Variants in CTNND2 observed in about 807,000 individuals in gnomAD.
The protein encoded by CTNND2 is catenin delta-2.
Under a neutral mutation model 144.4 loss-of-function variants are expected in CTNND2, and 22 were observed. The observed-to-expected ratio is 0.15, with a 90% CI of 0.11 to 0.22. CTNND2 has a LOEUF of 0.22. Among genes scored for constraint, CTNND2 ranks in the 10% least tolerant of loss-of-function variants. CTNND2 has a pLI of 1.00. For missense variants in CTNND2, 1,353 were observed against 1,618.8 expected, an observed-to-expected ratio of 0.84 and a Z score of 2.82; for synonymous variants, 751 against 695.6, an observed-to-expected ratio of 1.08 and a Z score of -1.25.
At chr5:10,978,803 G>A (rs1167781317) in intron 21 of CTNND2, among the ~76,000 whole-genome samples, 1 of 152,254 alleles carries the variant, frequency 6.6e-6, no homozygotes, top group Non-Finnish European at 1.5e-5. Flanking sequence ...GAAAGGCTAT[G>A]GCTAGGTGGT....
intron 3 of CTNND2, among the ~76,000 whole-genome samples, chr5:11,503,333 AAACT>A (rs1189430812): frequency 1.3e-5 from 2 of 152,210 alleles, no homozygotes; most frequent in Non-Finnish European, 2.9e-5. Flanking sequence ...GGACAAAAAC[AAACT>A]ATGACTCTAA....
At chr5:11,633,852 C>A (rs1225926816) in intron 2 of CTNND2, among the ~76,000 whole-genome samples, 1 of 151,946 alleles carries the variant, frequency 6.6e-6, no homozygotes. Flanking sequence ...AGAAATAAAC[C>A]TGGACATCTT....
intron 1 of CTNND2, among the ~76,000 whole-genome samples, chr5:11,778,753 T>C (rs1411816571): frequency 1.3e-5 from 2 of 152,190 alleles, no homozygotes; most frequent in Admixed American, 1.3e-4. Context: ...TGAGGAAATA[T>C]GAATGAACTA....
intron 3 of CTNND2, among the ~76,000 whole-genome samples, chr5:11,436,966 G>A (rs1763831340): frequency 6.6e-6 from 1 of 152,094 alleles, no homozygotes. Flanking sequence ...CTAAATCTAA[G>A]TATGCTAAAG....
intron 1 of CTNND2, among the ~76,000 whole-genome samples, chr5:11,850,553 GA>G (rs1366197887): frequency 2.0e-5 from 3 of 151,906 alleles, no homozygotes; most frequent in Non-Finnish European, 4.4e-5. Flanking sequence ...CGGGGAATGA[GA>G]AAAAAGGCAA....
chr5:11,876,993 T>A (rs192703191), intron 1 of CTNND2, among the ~76,000 whole-genome samples: 28 of 152,256 alleles, frequency 1.8e-4, no homozygotes, highest in African/African-American at 6.7e-4. Context: ...CTTTTCTTCT[T>A]GTTCCTGCCC....
At chr5:11,080,969 C>T (rs534919657) in intron 16 of CTNND2, among the ~76,000 whole-genome samples, 2 of 152,052 alleles carry the variant, frequency 1.3e-5, no homozygotes, top group South Asian at 2.1e-4. Context: ...CCCAGCTACT[C>T]GAGAGGCTGA....
At chr5:11,592,162 G>GCCTT (rs1561599814) in intron 2 of CTNND2, among the ~76,000 whole-genome samples, 69 of 117,500 alleles carry the variant, frequency 5.9e-4, no homozygotes, top group South Asian at 9.9e-4. Flanking sequence ...CTTCCTGCCT[G>GCCTT]CCTGCCTTCC....
chr5:11,253,173 C>A (rs1251465411), intron 9 of CTNND2, among the ~76,000 whole-genome samples: 16 of 152,176 alleles, frequency 1.1e-4, no homozygotes, highest in Admixed American at 1.0e-3. Flanking sequence ...CTCTCCTTTT[C>A]TTTTCTTTCA....
intron 1 of CTNND2, among the ~76,000 whole-genome samples, chr5:11,832,238 G>A (rs543637309): frequency 3.3e-5 from 5 of 152,074 alleles, no homozygotes; most frequent in East Asian, 1.9e-4. Flanking sequence ...AGCTGAGATC[G>A]TGCCACTGCA....
intron 3 of CTNND2, among the ~76,000 whole-genome samples, chr5:11,554,503 A>AT (rs1173633218): frequency 6.0e-5 from 8 of 132,992 alleles, no homozygotes; most frequent in Admixed American, 4.9e-4. Flanking sequence ...ATAGAAAGTG[A>AT]TTTTTTTTCT....
rs1751449245 is a variant in CTNND2 at position 11,316,132 on chromosome 5, A to G, written c.1628+30240T>C. Among the ~76,000 whole-genome samples, 2 of 152,232 alleles carry G rather than the reference A, an allele frequency of 1.3e-5. 1 individual carries two copies. Among genetic ancestry groups the G allele is most frequent in the South Asian group, 4.1e-4 (2 of 4,834 alleles). ...AAAACAAAAACAAAAAATCTAAACTATCACTGGAGCTTATAATTAGGGTAA... is the reference window on the plus strand; with the variant it reads ...AAAACAAAAACAAAAAATCTAAACTGTCACTGGAGCTTATAATTAGGGTAA... On this transcript the variant is annotated intron_variant, in intron 9 of 21. Transcript: ENST00000304623.
chr5:11,346,539 C>A lies in CTNND2; in HGVS notation c.1461G>T (p.Gln487His). Residue 487 changes from glutamine to histidine, a missense_variant, in exon 9 of 22, where the codon CAG (glutamine) becomes CAT (histidine). Transcript: ENST00000304623. ...GPQNAAAATF[Q>H]RASYAAGPAS... is the part of the protein sequence containing the mutation. Reference sequence around the variant, plus strand: ...CTGGGCCGGCGGCATAGCTGGCCCTCTGGAAGGTGGCCGCGGCGGCATTCT... The same window carrying A: ...CTGGGCCGGCGGCATAGCTGGCCCTATGGAAGGTGGCCGCGGCGGCATTCT... 6.2e-7 allele frequency: 1 copy of A among 1,604,382 alleles called. No homozygotes were observed. Among genetic ancestry groups the A allele is most frequent in the Non-Finnish European group, 8.5e-7 (1 of 1,175,714 alleles).
chr5:11,097,377 A>C (rs922780913), intron 15 of CTNND2, among the ~76,000 whole-genome samples: 4 of 152,178 alleles, frequency 2.6e-5, no homozygotes, highest in African/African-American at 9.7e-5. Context: ...AGATGTGTAC[A>C]ACTCTAGGGC....
intron 9 of CTNND2, among the ~76,000 whole-genome samples, chr5:11,265,985 G>C (rs1229029192): frequency 6.6e-6 from 1 of 151,978 alleles, no homozygotes; most frequent in East Asian, 1.9e-4. Flanking sequence ...GCTGGGATTA[G>C]AGGTGTGAGC....
At position 11,450,149 on chromosome 5, in the gene CTNND2, T is replaced by G. The variant is rs550929710; in HGVS notation, c.288-38080A>C. ...TGGCTCTCAACTTATGTATCATTCG[T>G]GTAAAATGGGTTGCTTCTGACATTT... On this transcript the variant is annotated intron_variant, in intron 3 of 21. Transcript: ENST00000304623. Among the ~76,000 whole-genome samples, 5 of 152,334 alleles carry G rather than the reference T, an allele frequency of 3.3e-5. No homozygotes were observed. In the East Asian group the frequency reaches 7.7e-4, roughly 23 times the overall value.
Position 11,884,012 on chromosome 5 carries a change from C to A in CTNND2, c.37+19805G>T, listed in dbSNP as rs187548712. Among the ~76,000 whole-genome samples, 647 of 152,258 alleles carry A rather than the reference C, an allele frequency of 4.2e-3. 2 individuals carry two copies. Among genetic ancestry groups the A allele is most frequent in the African/African-American group, 0.014 (599 of 41,548 alleles). The stretch of plus-strand genomic sequence containing the variant: ...AGTGTCTGTTCATATCCTTCACACA[C>A]TTTTTGATGGGGTTGTTTTTTTCTT... On this transcript the variant is annotated intron_variant, in intron 1 of 21. Transcript: ENST00000304623.
chr5:11,651,815 G>A (rs1050784115), intron 2 of CTNND2, among the ~76,000 whole-genome samples: 2 of 152,194 alleles, frequency 1.3e-5, no homozygotes, highest in African/African-American at 4.8e-5. Context: ...TTTTGGAATA[G>A]GGGTCTTTAC....
intron 3 of CTNND2, among the ~76,000 whole-genome samples, chr5:11,517,457 A>G (rs1450858862): frequency 1.3e-5 from 2 of 152,212 alleles, no homozygotes; most frequent in Non-Finnish European, 2.9e-5. Flanking sequence ...CACCTTTGTT[A>G]AAGTATAATT....
Sources: gnomAD v4.1 joint callset for allele counts (sites outside exome capture counted in the v4.1 genomes callset) on GRCh38, gnomAD v4.1.1 for gene constraint, MANE v1.5 for transcripts, NCBI Gene and HGNC (gene_info 2026-07-23, HGNC 2026-07-21) for gene names.